BCL2L11: variants seen among roughly 807,000 people sequenced by gnomAD.
BCL2L11 encodes bcl-2-like protein 11.
Under a neutral mutation model 20.6 loss-of-function variants are expected in BCL2L11, and 15 were observed. The ratio of observed to expected loss-of-function variants is 0.73; its 90% CI spans 0.49 to 1.12. The LOEUF (loss-of-function observed/expected upper bound fraction) is 1.12. Among genes scored for constraint, BCL2L11 ranks in the 50% most tolerant of loss-of-function variants. BCL2L11 has a pLI of 0.00. For synonymous variants in BCL2L11, 108 were observed against 92.8 expected (o/e 1.16, Z -0.94); for missense variants, 292 against 260.9 (o/e 1.12, Z -0.82).
chr2:111,153,117 C>T (rs6734942), intron 3 of BCL2L11, among the ~76,000 whole-genome samples: 49,593 of 152,006 alleles, frequency 0.33, 8,453 homozygotes, highest in East Asian at 0.43. Flanking sequence ...GTGGCTCACA[C>T]CTGTAATCCC....
At chr2:111,155,425 G>T (rs189323073) in intron 3 of BCL2L11, among the ~76,000 whole-genome samples, 2 of 150,980 alleles carry the variant, frequency 1.3e-5, no homozygotes, top group East Asian at 3.9e-4. Context: ...GTAGATGTGG[G>T]CCGGAGGTAC....
intron 2 of BCL2L11, chr2:111,130,066 C>G: frequency 2.7e-6 from 1 of 375,792 alleles, no homozygotes; most frequent in South Asian, 2.0e-5. Flanking sequence ...ACAGCTGGAA[C>G]TCAGGGAGGA....
rs145756668 is a variant in BCL2L11, at chr2:111,158,670, A to C, written c.499-5463A>C. Among the ~76,000 whole-genome samples the C allele has an allele frequency of 2.7e-3, 414 of 152,292 alleles. 3 individuals are homozygous for C. Among genetic ancestry groups the C allele is most frequent in the African/African-American group, 9.6e-3 (398 of 41,582 alleles). On this transcript the variant is annotated intron_variant, in intron 3 of 3. Coordinates refer to ENST00000393256, the MANE Select transcript of BCL2L11 (RefSeq NM_138621.5). ...AGTAAGTTAAATTCCTCTGCATCTC[A>C]GAGTTCTATAGGTATACCTTGTTTT...
chr2:111,134,593 G>A (rs908631943), intron 2 of BCL2L11, among the ~76,000 whole-genome samples: 3 of 152,016 alleles, frequency 2.0e-5, no homozygotes, highest in East Asian at 1.9e-4. Context: ...ACCAATAGTC[G>A]CTTCCATTTT....
At chr2:111,135,934 C>G (rs1178475429) in intron 2 of BCL2L11, among the ~76,000 whole-genome samples, 1 of 152,228 alleles carries the variant, frequency 6.6e-6, no homozygotes, top group Non-Finnish European at 1.5e-5. Context: ...TCACCTCTGC[C>G]TGCTTCTGCC....
At position 111,164,365 on chromosome 2, in the gene BCL2L11, A is replaced by G; in HGVS notation, c.*134A>G. On this transcript the variant is annotated 3_prime_UTR_variant, in exon 4 of 4. Transcript: ENST00000393256. ...TTGTGGAGGGGGCAGGTGACGTTTCAGAAGACACCGAGCTGGATGGGACTA... is the reference window on the plus strand; with the variant it reads ...TTGTGGAGGGGGCAGGTGACGTTTCGGAAGACACCGAGCTGGATGGGACTA... The G allele has an allele frequency of 4.5e-6, 3 of 669,178 alleles. No homozygotes were observed. The highest frequency in any genetic ancestry group is 8.2e-6 in the Non-Finnish European group (3 of 364,594). 41.5% of individuals were successfully genotyped at this position (669,178 alleles called of 1,614,324 possible).
intron 3 of BCL2L11, among the ~76,000 whole-genome samples, chr2:111,151,502 G>GT (rs1028858761): frequency 2.6e-5 from 4 of 151,364 alleles, no homozygotes; most frequent in South Asian, 2.1e-4. Context: ...CCTCTTAAAA[G>GT]TTTTTTTTTA....
rs1265918843 is a variant in BCL2L11 at position 111,151,741 on chromosome 2, A to G, written c.498+1594A>G. 13 of 1,132,082 alleles carry G rather than the reference A, an allele frequency of 1.1e-5. No homozygotes were observed. The Admixed American group carries it at 2.6e-4, about 23-fold the overall frequency. 70.1% of individuals were successfully genotyped at this position (1,132,082 alleles called of 1,614,324 possible). The stretch of plus-strand genomic sequence containing the variant: ...CCTTTCTGTGGGGGTGTTTGAGGAG[A>G]GTGCTGTAGTAATGATTCTGTTGTA... On this transcript the variant is annotated intron_variant, in intron 3 of 3. Transcript: ENST00000393256.
intron 3 of BCL2L11, among the ~76,000 whole-genome samples, chr2:111,159,296 C>G (rs1042180995): frequency 2.6e-5 from 4 of 152,226 alleles, no homozygotes; most frequent in African/African-American, 7.2e-5. Context: ...CTTTGAGTCA[C>G]TTGCTTGACC....
chr2:111,155,221 G>A lies in BCL2L11; in HGVS notation c.498+5074G>A, dbSNP rs1220204569. ...GAATTTGTGAGAAAGTGAGCAGCTT[G>A]CCTTTACCTGAGTGGTGCAGTGTTT... On this transcript the variant is annotated intron_variant, in intron 3 of 3. Transcript: ENST00000393256. Among the ~76,000 whole-genome samples the A allele has an allele frequency of 4.6e-5, 7 of 152,240 alleles. 1 individual carries two copies.
Position 111,164,235 on chromosome 2 carries a change from G to A in BCL2L11, c.*4G>A. 4 of 1,594,602 alleles carry A rather than the reference G, an allele frequency of 2.5e-6. No homozygotes were observed. The African/African-American group carries it at 5.4e-5, about 21-fold the overall frequency. The stretch of plus-strand genomic sequence containing the variant: ...CCTGGTGTGGAGAATGCATTGACAG[G>A]TTCTTTGCGGAGCCGAGATACCATG... On this transcript the variant is annotated 3_prime_UTR_variant, in exon 4 of 4. Coordinates refer to ENST00000393256, the MANE Select transcript of BCL2L11 (RefSeq NM_138621.5).
intron 2 of BCL2L11, chr2:111,128,592 A>G: frequency 6.7e-7 from 1 of 1,490,886 alleles, no homozygotes; most frequent in Non-Finnish European, 8.8e-7. Context: ...TTCTCCACAT[A>G]CTTACCAACA....
intron 3 of BCL2L11, among the ~76,000 whole-genome samples, chr2:111,156,674 G>A (rs1211926130): frequency 6.6e-6 from 1 of 152,088 alleles, no homozygotes; most frequent in Non-Finnish European, 1.5e-5. Context: ...GTGTGATCTC[G>A]TAGGAAAACA....
intron 1 of BCL2L11, chr2:111,123,395 G>C: frequency 1.0e-6 from 1 of 985,482 alleles, no homozygotes; most frequent in Non-Finnish European, 1.2e-6. Context: ...GCCGCTGGGA[G>C]TTTCTGACTT....
At chr2:111,142,016 C>G (rs138343598) in intron 2 of BCL2L11, among the ~76,000 whole-genome samples, 1 of 152,272 alleles carries the variant, frequency 6.6e-6, no homozygotes, top group East Asian at 1.9e-4. Flanking sequence ...AATCCCAATT[C>G]TATCTGTATC....
chr2:111,133,590 C>A (rs991225863), intron 2 of BCL2L11, among the ~76,000 whole-genome samples: 6 of 152,064 alleles, frequency 3.9e-5, no homozygotes, highest in African/African-American at 1.4e-4. Flanking sequence ...ATATTTTATT[C>A]TATTTCGGTT....
chr2:111,136,162 C>CTTT (rs2074847372), intron 2 of BCL2L11, among the ~76,000 whole-genome samples: 1 of 152,202 alleles, frequency 6.6e-6, no homozygotes, highest in African/African-American at 2.4e-5. Context: ...AGGTCACCCT[C>CTTT]TTTTCAGTCC....
Position 111,150,105 on chromosome 2 carries a change from G to A in BCL2L11, c.456G>A (p.Leu152=). Residue 152 remains leucine (L), a synonymous_variant, in exon 3 of 4, where the codon TTG becomes TTA. Transcript: ENST00000393256. ...MRPEIWIAQE[L]RRIGDEFNAY... Reference sequence around the variant, plus strand: ...CAGAGATATGGATCGCCCAAGAGTTGCGGCGTATTGGAGACGAGTTTAACG... The same window carrying A: ...CAGAGATATGGATCGCCCAAGAGTTACGGCGTATTGGAGACGAGTTTAACG... The A allele has an allele frequency of 4.3e-6, 7 of 1,614,050 alleles. No individual in the cohort carries two copies. Among genetic ancestry groups the A allele is most frequent in the Admixed American group, 1.7e-5 (1 of 60,018 alleles).
At chr2:111,142,195 C>T in intron 2 of BCL2L11, 1 of 833,378 alleles carries the variant, frequency 1.2e-6, no homozygotes, top group Non-Finnish European at 2.0e-6. Flanking sequence ...ACATCCTTAA[C>T]TTGCACTTGT....
Sources: gnomAD v4.1 joint callset for allele counts (sites outside exome capture counted in the v4.1 genomes callset) on GRCh38, gnomAD v4.1.1 for gene constraint, MANE v1.5 for transcripts, NCBI Gene and HGNC (gene_info 2026-07-23, HGNC 2026-07-21) for gene names.